COL6A5: variants seen among roughly 807,000 people sequenced by gnomAD.
The protein encoded by COL6A5 is collagen type VI alpha 5 chain, also known as collagen alpha-5(VI) chain.
COL6A5 carries 48 observed loss-of-function variants against 65.6 expected under a neutral mutation model. The ratio of observed to expected loss-of-function variants is 0.73; its 90% CI spans 0.58 to 0.93. The LOEUF is 0.93. Ranked by LOEUF, COL6A5 falls within the 40% of genes least tolerant of loss-of-function variation. The probability of loss-of-function intolerance (pLI) is 0.00; values close to 1 mark genes in which losing one functional copy is unlikely to be tolerated. For missense variants in COL6A5, 914 were observed against 928.3 expected, an observed-to-expected ratio of 0.98 and a Z score of 0.20; for synonymous variants, 291 against 322.8, an observed-to-expected ratio of 0.90 and a Z score of 1.05.
In COL6A5 at chr3:130,362,272, T is replaced by TCTCTCTCTCTCTCTC. The variant is rs1553744426; in HGVS notation, c.-28-11339_-28-11338insCTCTCTCTCTCTCTC. On this transcript the variant is annotated intron_variant and NMD_transcript_variant, in intron 1 of 41. Transcript: ENST00000312481. ...TTTCTTTCTCTCTCTCTCTCTCTCT[T>TCTCTCTCTCTCTCTC]TGTCTCTGTCTTTCTCCATATATAT... Among the ~76,000 whole-genome samples, 9 of 14,626 alleles carry TCTCTCTCTCTCTCTC rather than the reference T, an allele frequency of 6.2e-4. 1 individual carries two copies. The highest frequency in any genetic ancestry group is 1.9e-3 in the South Asian group (1 of 530). The allele number at this position is 14,626 out of a possible 152,430, so 9.6% of individuals were successfully genotyped here.
rs562097216 is a variant in COL6A5, at chr3:130,387,038, A to G, written c.1862-1542A>G. On this transcript the variant is annotated intron_variant and NMD_transcript_variant, in intron 5 of 41. Transcript: ENST00000312481. ...CATAATAGTTTAGGGTGAATAGTCC[A>G]GGTCTAGTAGAGAGGCTGTTCCATC... Among the ~76,000 whole-genome samples, 5 of 152,098 alleles carry G rather than the reference A, an allele frequency of 3.3e-5. No individual in the cohort carries two copies. In the South Asian group the frequency reaches 1.0e-3, roughly 31 times the overall value.
chr3:130,469,643 T>C (rs192164805), intron 6 of COL6A5, among the ~76,000 whole-genome samples, 162 bp downstream of exon 38: 137 of 152,166 alleles, frequency 9.0e-4, no homozygotes, highest in Non-Finnish European at 1.1e-3. Flanking sequence ...CCCAGATTTT[T>C]TGACCATGAG....
intron 1 of COL6A5, among the ~76,000 whole-genome samples, chr3:130,351,088 G>T (rs1387962035): frequency 2.0e-5 from 3 of 152,194 alleles, no homozygotes; most frequent in Non-Finnish European, 4.4e-5. Context: ...AATAAATGGT[G>T]CTGGGAAAAC....
At chr3:130,399,396 A>T (rs77070046) in intron 10 of COL6A5, among the ~76,000 whole-genome samples, 5,470 of 148,882 alleles carry the variant, frequency 0.037, 208 homozygotes, top group African/African-American at 0.088. Flanking sequence ...TTTGAGACAA[A>T]GTCTCGCTCT....
At chr3:130,459,622 C>A (rs1222646701) in intron 5 of COL6A5, among the ~76,000 whole-genome samples, 4 of 152,066 alleles carry the variant, frequency 2.6e-5, no homozygotes, top group Non-Finnish European at 5.9e-5. Context: ...TTAGAAGAAA[C>A]CTCATGCCCC....
intron 3 of COL6A5, among the ~76,000 whole-genome samples, chr3:130,379,079 TGG>T (rs1935893134): frequency 6.6e-6 from 1 of 151,886 alleles, no homozygotes; most frequent in African/African-American, 2.4e-5. Flanking sequence ...ACGATGGTGG[TGG>T]TCGTGGTGGA....
At chr3:130,398,085 A>G in exon 10 of COL6A5, 4 of 1,550,112 alleles carry the variant, frequency 2.6e-6, no homozygotes, top group South Asian at 2.4e-5. Flanking sequence ...ATGCTTGAAA[A>G]TCAATCAGAC....
At position 130,405,575 on chromosome 3, in the gene COL6A5, C is replaced by A. The variant is rs1178201821; in HGVS notation, c.4282-13C>A. ...ACATCACTTTGGGTACCTGTCTGTG[C>A]TCCTTTTCTTAGGGAGTACGAGGAG... On this transcript the variant is annotated splice_polypyrimidine_tract_variant and intron_variant and NMD_transcript_variant, in intron 13 of 41. Coordinates refer to the COL6A5 transcript ENST00000312481. 6.5e-7 allele frequency: 1 copy of A among 1,548,524 alleles called. No homozygotes were observed. The highest frequency in any genetic ancestry group is 8.7e-7 in the Non-Finnish European group (1 of 1,144,316).
At chr3:130,472,832 CAT>C (rs10654631) in intron 7 of COL6A5, among the ~76,000 whole-genome samples, 9,358 of 99,382 alleles carry the variant, frequency 0.094, 561 homozygotes, top group African/African-American at 0.16. Context: ...TGTGTGTATA[CAT>C]ATATATATAT....
At chr3:130,356,857 A>G (rs1291827074) in intron 1 of COL6A5, among the ~76,000 whole-genome samples, 4 of 152,208 alleles carry the variant, frequency 2.6e-5, no homozygotes, top group Admixed American at 6.5e-5. Context: ...TGTACTCAGG[A>G]AAATGCGTTG....
At chr3:130,411,303 A>G (rs541901132) in intron 20 of COL6A5, among the ~76,000 whole-genome samples, 4 of 152,364 alleles carry the variant, frequency 2.6e-5, no homozygotes, top group African/African-American at 9.6e-5. Context: ...GGACATCATT[A>G]GAAGAGAATA....
In COL6A5 at chr3:130,484,399, A is replaced by G. The variant is rs923268035; in HGVS notation, c.*358A>G. 6 of 408,372 alleles carry G rather than the reference A, an allele frequency of 1.5e-5. No individual in the cohort carries two copies. In the Admixed American group the frequency reaches 2.1e-4, roughly 15 times the overall value. The allele number at this position is 408,372 out of a possible 1,614,324, so 25.3% of individuals were successfully genotyped here. On this transcript the variant is annotated 3_prime_UTR_variant, in exon 8 of 8. Transcript: ENST00000512836. ...CTGTAAAAGATTGTCATTATTTTCA[A>G]CACATCTGTATCTCAGATTGGACTC...
chr3:130,432,912 A>G (rs771685035), intron 1 of COL6A5, among the ~76,000 whole-genome samples: 2 of 152,168 alleles, frequency 1.3e-5, no homozygotes, highest in Non-Finnish European at 2.9e-5. Context: ...AGAAACTTAA[A>G]AACCTCTTCA....
At chr3:130,385,653 C>T (rs1936160341) in intron 5 of COL6A5, among the ~76,000 whole-genome samples, 1 of 151,866 alleles carries the variant, frequency 6.6e-6, no homozygotes, top group Non-Finnish European at 1.5e-5. Context: ...GAGAGAGATT[C>T]TATTCTGCAT....
intron 7 of COL6A5, among the ~76,000 whole-genome samples, chr3:130,393,918 C>T (rs1360543209): frequency 1.3e-5 from 2 of 152,172 alleles, no homozygotes; most frequent in Non-Finnish European, 2.9e-5. Flanking sequence ...AGCTGTTTAC[C>T]GCCTGCCCAT....
intron 4 of COL6A5, among the ~76,000 whole-genome samples, chr3:130,447,126 G>A (rs967713908): frequency 3.3e-5 from 5 of 152,048 alleles, no homozygotes; most frequent in Admixed American, 6.6e-5. Flanking sequence ...CATATCCAGC[G>A]GTATAGTCTA....
At chr3:130,378,161 T>A (rs1055359194) in intron 3 of COL6A5, among the ~76,000 whole-genome samples, 22 of 152,090 alleles carry the variant, frequency 1.4e-4, no homozygotes, top group Non-Finnish European at 2.9e-4. Context: ...CAAATTTGTA[T>A]AACCAACTGC....
chr3:130,388,772 A>ATT (rs1224075341), exon 6 of COL6A5: 2 of 1,551,242 alleles, frequency 1.3e-6, no homozygotes, highest in Non-Finnish European at 1.7e-6. Flanking sequence ...CTTAATAGAT[A>ATT]TTTTACACAG....
chr3:130,382,071 A>G (rs1387612227), intron 4 of COL6A5, among the ~76,000 whole-genome samples: 2 of 152,048 alleles, frequency 1.3e-5, no homozygotes, highest in African/African-American at 4.8e-5. Flanking sequence ...AGAAAAAAAA[A>G]TGGAGATTGG....
Sources: gnomAD v4.1 joint callset for allele counts (sites outside exome capture counted in the v4.1 genomes callset) on GRCh38, gnomAD v4.1.1 for gene constraint, MANE v1.5 for transcripts, NCBI Gene and HGNC (gene_info 2026-07-23, HGNC 2026-07-21) for gene names.